The following MGAT4D variants were observed in gnomAD, a reference collection of about 807,000 sequenced individuals.
MGAT4D encodes alpha-1,3-mannosyl-glycoprotein 4-beta-N-acetylglucosaminyltransferase-like protein MGAT4D.
A neutral mutation model predicts 15.9 loss-of-function variants in MGAT4D; 34 were observed. The observed-to-expected ratio is 2.14, with a 90% CI of 1.62 to 2.84. The LOEUF (loss-of-function observed/expected upper bound fraction) is 2.84. Ranked by LOEUF, MGAT4D falls within the 30% of genes most tolerant of loss-of-function variation. MGAT4D has a pLI of 0.00. For missense variants in MGAT4D, 327 were observed against 140.2 expected (o/e 2.33, Z -6.73); for synonymous variants, 112 against 48.2 (o/e 2.33, Z -5.49).
Position 140,442,553 on chromosome 4 carries a change from C to G in MGAT4D, c.*883G>C, listed in dbSNP as rs1270298984. Reference sequence around the variant, plus strand: ...AGTTTTCAACAACCAAATTAGAAAGCCTGATATAAGAGAATTTTGCACCCA... The same window carrying G: ...AGTTTTCAACAACCAAATTAGAAAGGCTGATATAAGAGAATTTTGCACCCA... On this transcript the variant is annotated 3_prime_UTR_variant, in exon 11 of 11. Transcript: ENST00000511113. The G allele has an allele frequency of 6.6e-6, 1 of 151,926 alleles. No individual in the cohort carries two copies. Among genetic ancestry groups the G allele is most frequent in the African/African-American group, 2.4e-5 (1 of 41,368 alleles). The allele number at this position is 151,926 out of a possible 1,614,324, so 9.4% of individuals were successfully genotyped here. A position where few individuals can be genotyped will look rare whatever the true frequency, so the allele number is the denominator to read the frequency against.
chr4:140,456,373 C>G (rs1018728202), intron 9 of MGAT4D, among the ~76,000 whole-genome samples: 2 of 150,796 alleles, frequency 1.3e-5, no homozygotes, highest in Non-Finnish European at 3.0e-5. Flanking sequence ...TCTATTTGTT[C>G]ACTCTGTTTT....
At chr4:140,481,832 G>A (rs986295055) in intron 2 of MGAT4D, among the ~76,000 whole-genome samples, 2 of 152,184 alleles carry the variant, frequency 1.3e-5, no homozygotes, top group African/African-American at 4.8e-5. Context: ...GGATGCATAA[G>A]GCAGGACTTT....
In MGAT4D at chr4:140,471,789, T is replaced by C; in HGVS notation, c.558A>G (p.Lys186=). The part of the protein sequence containing the change: ...SNEDYLHSVV[K]MITKKFKRQV... The stretch of plus-strand genomic sequence containing the variant: ...ACAGTACTTACTTTTTTGTAATCAT[T>C]TTAACAACAGAATGTAAATAATCTT... The change falls in exon 5 of 11, where the codon AAA becomes AAG. Residue 186 remains lysine, a synonymous_variant. Transcript: ENST00000511113. The C allele has an allele frequency of 2.0e-6, 1 of 500,264 alleles. No individual in the cohort carries two copies. The highest frequency in any genetic ancestry group is 3.6e-5 in the Admixed American group (1 of 27,608). 31.0% of individuals were successfully genotyped at this position (500,264 alleles called of 1,614,324 possible). A position where few individuals can be genotyped will look rare whatever the true frequency, so the allele number is the denominator to read the frequency against.
chr4:140,455,073 G>T (rs995647385), intron 9 of MGAT4D, among the ~76,000 whole-genome samples: 28 of 151,840 alleles, frequency 1.8e-4, no homozygotes, highest in African/African-American at 6.8e-4. Context: ...TTTTAATTTT[G>T]CTGTTTTCTT....
At chr4:140,477,569 A>C (rs1278847508) in intron 3 of MGAT4D, among the ~76,000 whole-genome samples, 1 of 152,244 alleles carries the variant, frequency 6.6e-6, no homozygotes, top group Non-Finnish European at 1.5e-5. Context: ...CATGCAGAAT[A>C]TATGAAGCTT....
At chr4:140,489,761 T>C (rs1733385623) in intron 1 of MGAT4D, among the ~76,000 whole-genome samples, 1 of 152,252 alleles carries the variant, frequency 6.6e-6, no homozygotes, top group African/African-American at 2.4e-5. Flanking sequence ...TCTCTTCTAT[T>C]GTTGGTAACA....
At position 140,451,151 on chromosome 4, in the gene MGAT4D, A is replaced by T. The variant is rs1024197269; in HGVS notation, c.1116+259T>A. ...TTCAAAACTCTTTTTTAGTCTTCTT[A>T]AAATTGCACAACTGGGAACAGTAAG... On this transcript the variant is annotated intron_variant, in intron 10 of 10. Transcript: ENST00000511113. 4.6e-5 allele frequency among the ~76,000 whole-genome samples: 7 copies of T among 152,298 alleles called. No homozygotes were observed. In the East Asian group the frequency reaches 1.3e-3, roughly 29 times the overall value.
intron 1 of MGAT4D, among the ~76,000 whole-genome samples, chr4:140,490,503 T>C (rs182158846): frequency 2.0e-5 from 3 of 152,286 alleles, no homozygotes; most frequent in South Asian, 2.1e-4. Flanking sequence ...TACCTTACCA[T>C]CAATGGCCAG....
intron 7 of MGAT4D, among the ~76,000 whole-genome samples, 191 bp downstream of exon 7, chr4:140,461,738 A>G (rs1010150157): frequency 6.6e-6 from 1 of 152,116 alleles, no homozygotes; most frequent in African/African-American, 2.4e-5. Context: ...TTCCTTTGGC[A>G]TTTTAATACA....
At chr4:140,490,040 A>G (rs1733402447) in intron 1 of MGAT4D, among the ~76,000 whole-genome samples, 1 of 152,300 alleles carries the variant, frequency 6.6e-6, no homozygotes, top group Non-Finnish European at 1.5e-5. Flanking sequence ...TACTCCTCCA[A>G]GGGAAGTTTG....
chr4:140,477,704 G>T (rs1732430042), intron 3 of MGAT4D, among the ~76,000 whole-genome samples: 1 of 152,220 alleles, frequency 6.6e-6, no homozygotes, highest in Non-Finnish European at 1.5e-5. Context: ...CATATACCCT[G>T]CCAAGGGGCT....
chr4:140,486,536 T>C (rs914707251), intron 1 of MGAT4D, among the ~76,000 whole-genome samples: 3 of 152,100 alleles, frequency 2.0e-5, no homozygotes, highest in African/African-American at 7.2e-5. Context: ...TTCCCCTCCC[T>C]GTGTCCATGT....
chr4:140,450,410 G>A (rs1335251842), intron 10 of MGAT4D, among the ~76,000 whole-genome samples: 4 of 152,186 alleles, frequency 2.6e-5, no homozygotes, highest in African/African-American at 7.2e-5. Flanking sequence ...CTACAGCTAT[G>A]CATTCTGATG....
rs550098226 is a variant in MGAT4D, at chr4:140,451,136, T to G, written c.1116+274A>C. Among the ~76,000 whole-genome samples, 4 of 152,136 alleles carry G rather than the reference T, an allele frequency of 2.6e-5. No homozygotes were observed. The East Asian group carries it at 7.7e-4, about 29-fold the overall frequency. On this transcript the variant is annotated intron_variant, in intron 10 of 10. Transcript: ENST00000511113. ...AACTTTATTATAATTTTCAAAACTCTTTTTTAGTCTTCTTAAAATTGCACA... is the reference window on the plus strand; with the variant it reads ...AACTTTATTATAATTTTCAAAACTCGTTTTTAGTCTTCTTAAAATTGCACA...
chr4:140,494,878 C>T (rs564590707), intron 1 of MGAT4D, among the ~76,000 whole-genome samples: 1 of 152,166 alleles, frequency 6.6e-6, no homozygotes, highest in African/African-American at 2.4e-5. Context: ...AATTACCCAA[C>T]CCAAAATGTC....
chr4:140,450,382 T>C (rs1730397343), intron 10 of MGAT4D, among the ~76,000 whole-genome samples: 1 of 152,212 alleles, frequency 6.6e-6, no homozygotes, highest in Non-Finnish European at 1.5e-5. Flanking sequence ...TATAGACCAA[T>C]CTATTTCTGC....
At chr4:140,473,000 T>C (rs1004038996) in intron 4 of MGAT4D, among the ~76,000 whole-genome samples, 6 of 152,118 alleles carry the variant, frequency 3.9e-5, no homozygotes, top group Non-Finnish European at 7.4e-5. Context: ...ACAAAAAGAA[T>C]AAAGAAAAGA....
At chr4:140,462,924 A>G (rs1731291687) in intron 6 of MGAT4D, among the ~76,000 whole-genome samples, 1 of 152,184 alleles carries the variant, frequency 6.6e-6, no homozygotes, top group Admixed American at 6.5e-5. Context: ...GCAACATACC[A>G]GGAAAACCTA....
At chr4:140,488,789 T>C (rs78059619) in intron 1 of MGAT4D, among the ~76,000 whole-genome samples, 3,764 of 152,266 alleles carry the variant, frequency 0.025, 196 homozygotes, top group East Asian at 0.24. Flanking sequence ...TGATCCCTCA[T>C]GGCTTGGTGC....
Sources: allele counts gnomAD v4.1 joint callset (sites outside exome capture counted in the v4.1 genomes callset), GRCh38; gene constraint gnomAD v4.1.1; transcripts MANE v1.5; gene names NCBI Gene and HGNC (gene_info 2026-07-23, HGNC 2026-07-21).